Variants in PPP1R42 observed in about 807,000 individuals in gnomAD.
The protein encoded by PPP1R42 is protein phosphatase 1 regulatory subunit 42.
Under a neutral mutation model 31.0 loss-of-function variants are expected in PPP1R42, and 34 were observed. The ratio of observed to expected loss-of-function variants is 1.10; its 90% CI spans 0.83 to 1.46. PPP1R42 has a LOEUF of 1.46. Ranked by LOEUF, PPP1R42 falls within the 40% of genes most tolerant of loss-of-function variation. PPP1R42 has a pLI of 0.00. For missense variants in PPP1R42, 268 were observed against 303.0 expected, an observed-to-expected ratio of 0.88 and a Z score of 0.86; for synonymous variants, 103 against 109.8, an observed-to-expected ratio of 0.94 and a Z score of 0.39.
chr8:66,983,837 G>A (rs938801664), intron 6 of PPP1R42, among the ~76,000 whole-genome samples: 3 of 151,810 alleles, frequency 2.0e-5, no homozygotes, highest in Non-Finnish European at 2.9e-5. Context: ...CACTGAACTA[G>A]CTAGTACTCT....
At chr8:66,998,327 T>A (rs368921092) in intron 5 of PPP1R42, among the ~76,000 whole-genome samples, 46 of 152,294 alleles carry the variant, frequency 3.0e-4, no homozygotes, top group South Asian at 1.0e-3. Flanking sequence ...AATGCCATTT[T>A]AAAAAAATTC....
At chr8:67,024,695 C>T (rs1816339027) in intron 1 of PPP1R42, among the ~76,000 whole-genome samples, 1 of 151,550 alleles carries the variant, frequency 6.6e-6, no homozygotes, top group South Asian at 2.1e-4. Context: ...GCCAGGATGG[C>T]CTCCATCTCC....
At chr8:67,004,651 C>G (rs2129536695) in intron 5 of PPP1R42, among the ~76,000 whole-genome samples, 1 of 152,144 alleles carries the variant, frequency 6.6e-6, no homozygotes, top group South Asian at 2.1e-4. Flanking sequence ...GAATCTTTTT[C>G]ATTTCTCTTA....
In PPP1R42 at chr8:66,985,788, GTCC is replaced by G. The variant is rs1231530230; in HGVS notation, c.670+2609_670+2611del. The G allele has an allele frequency of 3.3e-6, 4 of 1,219,630 alleles. No individual in the cohort carries two copies. In the East Asian group the frequency reaches 9.4e-5, roughly 29 times the overall value. The allele number at this position is 1,219,630 out of a possible 1,614,324, so 75.6% of individuals were successfully genotyped here. Reference sequence around the variant, plus strand: ...TCTCCTGGATTTGCCATTTTGCTGCGTCCATCATCTGTTTGATGTGGAGCTTAG... The same window carrying G: ...TCTCCTGGATTTGCCATTTTGCTGCGATCATCTGTTTGATGTGGAGCTTAG... On this transcript the variant is annotated intron_variant, in intron 6 of 7. Coordinates refer to ENST00000685739, the MANE Select transcript of PPP1R42 (RefSeq NM_001364910.1).
intron 4 of PPP1R42, among the ~76,000 whole-genome samples, chr8:67,011,993 G>A (rs768381525): frequency 5.3e-5 from 8 of 152,026 alleles, no homozygotes; most frequent in Non-Finnish European, 1.0e-4. Context: ...TGATGAGGCC[G>A]GGCACGGTGG....
intron 7 of PPP1R42, among the ~76,000 whole-genome samples, chr8:66,971,337 TG>T (rs1336125140): frequency 6.6e-6 from 1 of 152,196 alleles, no homozygotes; most frequent in Non-Finnish European, 1.5e-5. Context: ...GGAAAGTTCA[TG>T]ATCAACTCTT....
chr8:66,967,835 G>T (rs1174257852), intron 7 of PPP1R42, among the ~76,000 whole-genome samples: 1 of 151,520 alleles, frequency 6.6e-6, no homozygotes, highest in African/African-American at 2.4e-5. Flanking sequence ...TATTAACATT[G>T]CTTGGGTTTG....
At chr8:67,027,086 A>T (rs1017203388) in intron 1 of PPP1R42, 1 of 151,890 alleles carries the variant, frequency 6.6e-6, no homozygotes, top group African/African-American at 2.4e-5. Context: ...TTTTTAGTAG[A>T]GATGGGGTTT....
chr8:66,967,100 C>T (rs1290389729), intron 7 of PPP1R42, among the ~76,000 whole-genome samples: 1 of 152,160 alleles, frequency 6.6e-6, no homozygotes, highest in Admixed American at 6.5e-5. Flanking sequence ...CCTTAGCCTC[C>T]CGAGTAGCTG....
chr8:67,014,321 T>C, intron 3 of PPP1R42, 105 bp downstream of exon 3: 2 of 591,410 alleles, frequency 3.4e-6, no homozygotes, highest in Non-Finnish European at 5.5e-6. Flanking sequence ...ATATTGAATT[T>C]ACTTTTGGAA....
intron 7 of PPP1R42, among the ~76,000 whole-genome samples, chr8:66,974,449 G>A (rs190586404): frequency 2.6e-4 from 40 of 152,258 alleles, no homozygotes; most frequent in Non-Finnish European, 2.8e-4. Flanking sequence ...AGCTACTCGG[G>A]AGGCTGAGGC....
chr8:67,003,389 CTTTTTTTTT>C (rs5892069), intron 5 of PPP1R42, among the ~76,000 whole-genome samples: 1 of 32,938 alleles, frequency 3.0e-5, no homozygotes, highest in Non-Finnish European at 5.4e-5. Context: ...TTTCATGCTT[CTTTTTTTTT>C]TTTTTTTTTT....
chr8:66,972,405 T>C (rs1333820841), intron 7 of PPP1R42, among the ~76,000 whole-genome samples: 1 of 152,200 alleles, frequency 6.6e-6, no homozygotes, highest in Non-Finnish European at 1.5e-5. Flanking sequence ...ACCATTTTTT[T>C]TTGAGACAGA....
intron 6 of PPP1R42, chr8:66,984,807 T>G: frequency 6.2e-7 from 1 of 1,606,926 alleles, no homozygotes; most frequent in South Asian, 1.1e-5. Flanking sequence ...TCACTTTGGG[T>G]TCTGGAGGAG....
intron 7 of PPP1R42, chr8:66,968,406 T>G: frequency 6.5e-6 from 6 of 923,652 alleles, no homozygotes; most frequent in Non-Finnish European, 7.8e-6. Flanking sequence ...GCACATACCT[T>G]TAGCTTTTTG....
chr8:67,002,740 G>GT lies in PPP1R42; in HGVS notation c.552+7974dup, dbSNP rs1239836075. Among the ~76,000 whole-genome samples the GT allele has an allele frequency of 9.6e-3, 1,101 of 114,962 alleles. 12 individuals carry two copies. Among genetic ancestry groups the GT allele is most frequent in the African/African-American group, 0.028 (883 of 31,060 alleles). The allele number at this position is 114,962 out of a possible 152,430, so 75.4% of individuals were successfully genotyped here. A position where few individuals can be genotyped will look rare whatever the true frequency, so the allele number is the denominator to read the frequency against. On this transcript the variant is annotated intron_variant, in intron 5 of 7. Coordinates refer to ENST00000685739, the MANE Select transcript of PPP1R42 (RefSeq NM_001364910.1). Reference sequence around the variant, plus strand: ...CCCCCGCTTTTTTTTTTTTTTCAGTGTTTTTTTTTTTTCCGTGCTTTACTT... The same window carrying GT: ...CCCCCGCTTTTTTTTTTTTTTCAGTGTTTTTTTTTTTTTCCGTGCTTTACTT...
intron 7 of PPP1R42, among the ~76,000 whole-genome samples, chr8:66,968,060 TTTTG>T (rs1339906323): frequency 1.3e-5 from 2 of 152,192 alleles, no homozygotes; most frequent in African/African-American, 4.8e-5. Context: ...ATGTGTACTT[TTTTG>T]TTTGTTTAAT....
At chr8:66,974,554 C>T (rs937943838) in intron 7 of PPP1R42, among the ~76,000 whole-genome samples, 3 of 151,456 alleles carry the variant, frequency 2.0e-5, no homozygotes, top group East Asian at 1.9e-4. Context: ...AACTCTGTCT[C>T]GGAAAAAAAA....
At chr8:67,018,120 CTT>C (rs113945042) in intron 1 of PPP1R42, among the ~76,000 whole-genome samples, 2 of 144,098 alleles carry the variant, frequency 1.4e-5, no homozygotes. Flanking sequence ...TTTTTCTTTT[CTT>C]TTTTTTTTTT....
Sources: allele counts gnomAD v4.1 joint callset (sites outside exome capture counted in the v4.1 genomes callset), GRCh38; gene constraint gnomAD v4.1.1; transcripts MANE v1.5; gene names NCBI Gene and HGNC (gene_info 2026-07-23, HGNC 2026-07-21).